The following CFH variants were observed in gnomAD, a reference collection of about 807,000 sequenced individuals.
CFH encodes the protein H factor 1 (complement).
A neutral mutation model predicts 147.3 loss-of-function variants in CFH; 53 were observed. The ratio of observed to expected loss-of-function variants is 0.36; its 90% CI spans 0.29 to 0.45. The LOEUF (loss-of-function observed/expected upper bound fraction) is 0.45. CFH is among the 20% of genes least tolerant of loss of function. The pLI is 1.00. For synonymous variants in CFH, 536 were observed against 489.4 expected (o/e 1.10, Z -1.26); for missense variants, 1,380 against 1,498.0 (o/e 0.92, Z 1.30).
intron 10 of CFH, among the ~76,000 whole-genome samples, 181 bp from the exon 11 acceptor site, chr1:196,715,412 T>C (rs1668845404): frequency 6.6e-6 from 1 of 152,136 alleles, no homozygotes; most frequent in African/African-American, 2.4e-5. Context: ...TAGAAAGATA[T>C]ACTTTCACTT....
rs143312912 is a variant in CFH at position 196,672,477 on chromosome 1, A to C, written c.59-501A>C. Among the ~76,000 whole-genome samples the C allele has an allele frequency of 2.6e-3, 400 of 152,250 alleles. 2 individuals carry two copies. The highest frequency in any genetic ancestry group is 0.013 in the East Asian group (68 of 5,182). On this transcript the variant is annotated intron_variant, in intron 1 of 21. Transcript: ENST00000367429. Reference sequence around the variant, plus strand: ...TAATTCTGTATTAACTTATCATGCTAATTTTTGTAAATATAATTTTTCTAC... The same window carrying C: ...TAATTCTGTATTAACTTATCATGCTCATTTTTGTAAATATAATTTTTCTAC...
Position 196,689,588 on chromosome 1 carries a change from G to A in CFH, c.1133G>A (p.Gly378Glu). The A allele has an allele frequency of 1.9e-6, 3 of 1,613,438 alleles. No individual in the cohort carries two copies. The highest frequency in any genetic ancestry group is 2.5e-6 in the Non-Finnish European group (3 of 1,179,620). Residue 378 changes from glycine (G) to glutamate (E), a missense_variant, in exon 8 of 22, where the codon GGA (glycine) becomes GAA (glutamate). Gly to Glu is a moderately conservative substitution (Grantham distance 98). This residue lies in a region of CFH where 167 missense variants were observed against 228.0 expected (regional missense o/e 0.73). Transcript: ENST00000367429. ...GATCACATTCATTGCACACAAGATG[G>A]ATGGTCGCCAGCAGTACCATGCCTC... is the stretch of plus-strand genomic sequence containing the variant. ...YWDHIHCTQD[G>E]WSPAVPCLRK...
chr1:196,654,515 A>G lies in CFH; in HGVS notation c.58+2340A>G, dbSNP rs1440470244. 2.6e-5 allele frequency among the ~76,000 whole-genome samples: 4 copies of G among 152,260 alleles called. 1 individual carries two copies. The highest frequency in any genetic ancestry group is 7.2e-5 in the African/African-American group (3 of 41,556). On this transcript the variant is annotated intron_variant, in intron 1 of 21. Transcript: ENST00000367429. The stretch of plus-strand genomic sequence containing the variant: ...AGATTTACAGGACAAAGTTTAAAAT[A>G]ACAGTTTCTCAATCGTACCACCTAA...
At chr1:196,700,184 C>G (rs1209309027) in intron 9 of CFH, among the ~76,000 whole-genome samples, 3 of 152,120 alleles carry the variant, frequency 2.0e-5, no homozygotes, top group African/African-American at 7.2e-5. Flanking sequence ...CAGCCACTCC[C>G]CCTTCAAAGA....
intron 6 of CFH, among the ~76,000 whole-genome samples, chr1:196,680,169 T>A (rs1285894632): frequency 1.3e-5 from 2 of 151,826 alleles, no homozygotes; most frequent in Non-Finnish European, 2.9e-5. Flanking sequence ...ATGAATATTT[T>A]AAAATACTTT....
intron 1 of CFH, among the ~76,000 whole-genome samples, chr1:196,665,887 G>T (rs912424741): frequency 1.3e-5 from 2 of 152,190 alleles, no homozygotes; most frequent in African/African-American, 2.4e-5. Context: ...GAATATAGGC[G>T]TGAGCCACCG....
chr1:196,664,787 C>T (rs996788022), intron 1 of CFH, among the ~76,000 whole-genome samples: 2 of 151,940 alleles, frequency 1.3e-5, no homozygotes, highest in African/African-American at 4.8e-5. Flanking sequence ...TAATTATATC[C>T]ATTATTAAAA....
intron 21 of CFH, 140 bp downstream of exon 21, chr1:196,746,139 AAAGTT>A: frequency 2.0e-6 from 3 of 1,507,996 alleles, no homozygotes; most frequent in Non-Finnish European, 2.7e-6. Context: ...GTCAGAAAGT[AAAGTT>A]TAGAAATTTT....
At chr1:196,699,013 G>T (rs1573040152) in intron 9 of CFH, among the ~76,000 whole-genome samples, 2 of 151,948 alleles carry the variant, frequency 1.3e-5, no homozygotes, top group Admixed American at 1.3e-4. Flanking sequence ...CCCCTTCATG[G>T]TAAAAACACT....
chr1:196,709,776 C>G (rs1374133810), intron 9 of CFH, among the ~76,000 whole-genome samples: 1 of 151,938 alleles, frequency 6.6e-6, no homozygotes, highest in Non-Finnish European at 1.5e-5. Context: ...ATGAGTTTCT[C>G]CTTTAGGTTC....
intron 6 of CFH, among the ~76,000 whole-genome samples, chr1:196,683,591 T>G (rs1409135362): frequency 6.6e-6 from 1 of 151,676 alleles, no homozygotes; most frequent in Admixed American, 6.6e-5. Flanking sequence ...CCATATCAAT[T>G]TAAGAGTGTG....
chr1:196,703,284 G>C (rs995892717), intron 9 of CFH, among the ~76,000 whole-genome samples: 4 of 152,134 alleles, frequency 2.6e-5, no homozygotes, highest in African/African-American at 9.7e-5. Flanking sequence ...CCCATTGCAG[G>C]TCCCAACCAG....
intron 15 of CFH, among the ~76,000 whole-genome samples, chr1:196,733,688 T>C (rs1461340539): frequency 2.6e-5 from 4 of 152,062 alleles, no homozygotes; most frequent in Non-Finnish European, 5.9e-5. Context: ...AGCTTTAGAA[T>C]ACAGTCCCTG....
intron 9 of CFH, chr1:196,700,928 A>G: frequency 1.1e-6 from 1 of 908,956 alleles, no homozygotes; most frequent in South Asian, 5.1e-5. Context: ...CTGGCACCCC[A>G]TTTCCTTCTG....
chr1:196,696,286 A>T (rs1441191553), intron 9 of CFH, among the ~76,000 whole-genome samples: 8 of 152,182 alleles, frequency 5.3e-5, no homozygotes, highest in African/African-American at 1.9e-4. Flanking sequence ...AAATCAAATT[A>T]GAAATCAGGA....
At chr1:196,712,932 C>T (rs1402928613) in intron 9 of CFH, among the ~76,000 whole-genome samples, 1 of 151,908 alleles carries the variant, frequency 6.6e-6, no homozygotes, top group Admixed American at 6.6e-5. Context: ...CATGTCCCTA[C>T]AAAGGACATG....
intron 1 of CFH, among the ~76,000 whole-genome samples, chr1:196,659,872 G>C (rs773557156): frequency 6.6e-6 from 1 of 152,206 alleles, no homozygotes; most frequent in African/African-American, 2.4e-5. Context: ...AAGTGTATCT[G>C]AAGTGAGAAG....
intron 1 of CFH, among the ~76,000 whole-genome samples, chr1:196,672,010 T>C (rs1276923871): frequency 5.9e-5 from 9 of 151,958 alleles, no homozygotes; most frequent in Non-Finnish European, 1.0e-4. Flanking sequence ...AGAATACTAG[T>C]TGTGTATTTG....
intron 9 of CFH, among the ~76,000 whole-genome samples, chr1:196,690,726 C>T (rs1397294895): frequency 6.6e-6 from 1 of 152,076 alleles, no homozygotes; most frequent in Non-Finnish European, 1.5e-5. Flanking sequence ...ATTTTATAAA[C>T]GGTCTTGAGG....
Sources: gnomAD v4.1 joint callset for allele counts (sites outside exome capture counted in the v4.1 genomes callset) on GRCh38, gnomAD v4.1.1 for gene constraint, gnomAD v4.1.1 regional missense constraint, MANE v1.5 for transcripts, NCBI Gene and HGNC (gene_info 2026-07-23, HGNC 2026-07-21) for gene names.